The following SYNJ1 variants were observed in gnomAD, a reference collection of about 807,000 sequenced individuals.
SYNJ1 encodes polyphosphatidylinositol phosphatase SYNJ1.
A neutral mutation model predicts 168.2 loss-of-function variants in SYNJ1; 78 were observed. The ratio of observed to expected loss-of-function variants is 0.46; its 90% CI spans 0.39 to 0.56. The LOEUF is 0.56. Among genes scored for constraint, SYNJ1 ranks in the 20% least tolerant of loss-of-function variants. SYNJ1 has a pLI of 0.00. For synonymous variants in SYNJ1, 539 were observed against 548.6 expected, an observed-to-expected ratio of 0.98 and a Z score of 0.24; for missense variants, 1,303 against 1,597.6, an observed-to-expected ratio of 0.82 and a Z score of 3.14.
At chr21:32,726,099 CAA>C (rs1395874385) in intron 2 of SYNJ1, among the ~76,000 whole-genome samples, 10 of 152,226 alleles carry the variant, frequency 6.6e-5, no homozygotes, top group Non-Finnish European at 1.2e-4. Flanking sequence ...CTTGGCCTCC[CAA>C]AGTGCTGGGA....
At chr21:32,658,333 G>C (rs1451966843) in intron 18 of SYNJ1, 1 of 153,060 alleles carries the variant, frequency 6.5e-6, no homozygotes, top group Admixed American at 6.5e-5. Context: ...GGACAGCTTG[G>C]CAGCACAGTT....
chr21:32,657,964 C>G (rs911105080), intron 18 of SYNJ1, 92 bp from the exon 19 acceptor site: 17 of 975,408 alleles, frequency 1.7e-5, no homozygotes, highest in Admixed American at 2.4e-5. Context: ...CTATTACATG[C>G]TGGATGCTCT....
At chr21:32,632,746 G>C (rs1037023583) in intron 32 of SYNJ1, among the ~76,000 whole-genome samples, 1 of 152,154 alleles carries the variant, frequency 6.6e-6, no homozygotes, top group Non-Finnish European at 1.5e-5. Context: ...GAGGCTGGGC[G>C]CGGTGGCTCA....
At chr21:32,678,877 A>C (rs2041516591) in intron 11 of SYNJ1, 76 bp from the exon 12 acceptor site, 1 of 1,550,890 alleles carries the variant, frequency 6.4e-7, no homozygotes, top group Non-Finnish European at 8.7e-7. Context: ...GTTTTTTGAA[A>C]TTTTAAATCA....
intron 17 of SYNJ1, 38 bp downstream of exon 17, chr21:32,665,905 C>G: frequency 6.6e-7 from 1 of 1,526,338 alleles, no homozygotes; most frequent in Non-Finnish European, 8.8e-7. Flanking sequence ...AAATATATTT[C>G]AAAGCTTTAT....
chr21:32,674,580 A>G (rs1380810349), intron 13 of SYNJ1, among the ~76,000 whole-genome samples: 1 of 151,472 alleles, frequency 6.6e-6, no homozygotes, highest in African/African-American at 2.4e-5. Flanking sequence ...ATAATTGTTA[A>G]ATGAATGAAT....
chr21:32,663,876 C>G (rs1429067867), intron 18 of SYNJ1, among the ~76,000 whole-genome samples: 1 of 152,232 alleles, frequency 6.6e-6, no homozygotes, highest in Non-Finnish European at 1.5e-5. Flanking sequence ...CTCTCGACTA[C>G]TTGCTAGCAG....
intron 18 of SYNJ1, among the ~76,000 whole-genome samples, chr21:32,662,951 T>C (rs1218940713): frequency 6.6e-6 from 1 of 152,136 alleles, no homozygotes; most frequent in Admixed American, 6.5e-5. Flanking sequence ...CGAGTAAATA[T>C]CTTAGTTCGA....
chr21:32,631,475 T>G lies in SYNJ1; in HGVS notation c.*330A>C. Reference sequence around the variant, plus strand: ...CTTCAGACTTGGCTCTAAATGGGTTTCCAGGAGCAGCAGTCCTGTCACTGA... The same window carrying G: ...CTTCAGACTTGGCTCTAAATGGGTTGCCAGGAGCAGCAGTCCTGTCACTGA... On this transcript the variant is annotated 3_prime_UTR_variant, in exon 33 of 33. Transcript: ENST00000674351. 6.2e-7 allele frequency: 1 copy of G among 1,614,154 alleles called. No individual in the cohort carries two copies. Among genetic ancestry groups the G allele is most frequent in the Non-Finnish European group, 8.5e-7 (1 of 1,180,018 alleles).
intron 11 of SYNJ1, among the ~76,000 whole-genome samples, chr21:32,680,184 T>C (rs555281252): frequency 1.3e-5 from 2 of 152,280 alleles, no homozygotes; most frequent in South Asian, 4.1e-4. Context: ...TACAAATTAT[T>C]TCTATGAGTT....
intron 10 of SYNJ1, among the ~76,000 whole-genome samples, chr21:32,683,459 A>T (rs2041701126): frequency 1.3e-5 from 2 of 152,114 alleles, no homozygotes; most frequent in African/African-American, 4.8e-5. Context: ...TATAGCTACT[A>T]ATTTGAAAAC....
intron 25 of SYNJ1, among the ~76,000 whole-genome samples, chr21:32,645,425 A>C (rs1230062054): frequency 6.6e-6 from 1 of 152,250 alleles, no homozygotes; most frequent in African/African-American, 2.4e-5. Context: ...GTGAGAAGGC[A>C]GCTAAAGGCA....
At chr21:32,635,617 G>A (rs1350244098) in intron 31 of SYNJ1, among the ~76,000 whole-genome samples, 1 of 152,048 alleles carries the variant, frequency 6.6e-6, no homozygotes, top group Non-Finnish European at 1.5e-5. Flanking sequence ...GATAGCCTAG[G>A]GATGTCATTA....
At chr21:32,648,439 C>T (rs548646598) in intron 23 of SYNJ1, among the ~76,000 whole-genome samples, 72 of 152,170 alleles carry the variant, frequency 4.7e-4, no homozygotes, top group Non-Finnish European at 4.6e-4. Context: ...CAGAAGGACA[C>T]ATTTCTGTCC....
At chr21:32,709,204 G>A (rs951166266) in intron 2 of SYNJ1, among the ~76,000 whole-genome samples, 7 of 151,996 alleles carry the variant, frequency 4.6e-5, no homozygotes, top group East Asian at 1.9e-4. Flanking sequence ...AAACACTGCC[G>A]GTTGGGCACA....
chr21:32,645,003 G>T lies in SYNJ1; in HGVS notation c.3395C>A (p.Ala1132Asp). 1 of 1,601,798 alleles carries T rather than the reference G, an allele frequency of 6.2e-7. No homozygotes were observed. Among genetic ancestry groups the T allele is most frequent in the Admixed American group, 1.7e-5 (1 of 57,156 alleles). Residue 1132 changes from alanine (A) to aspartate (D), a missense_variant, in exon 26 of 33, where the codon GCT (alanine) becomes GAT (aspartate). Coordinates refer to ENST00000674351, the MANE Select transcript of SYNJ1 (RefSeq NM_203446.3). ...PPQRPPPPSG[A>D]RSPAPTRKEF... is the part of the protein sequence containing the mutation. ...CTTTCTAGTGGGTGCAGGACTCCTA[G>T]CCCCTTATAGTTCATAAGAAAATAG...
chr21:32,695,296 A>G lies in SYNJ1; in HGVS notation c.480-14T>C, dbSNP rs1191516964. 1 of 1,610,710 alleles carries G rather than the reference A, an allele frequency of 6.2e-7. No homozygotes were observed. The highest frequency in any genetic ancestry group is 8.5e-7 in the Non-Finnish European group (1 of 1,177,652). On this transcript the variant is annotated splice_polypyrimidine_tract_variant and intron_variant, in intron 4 of 32. Coordinates refer to ENST00000674351, the MANE Select transcript of SYNJ1 (RefSeq NM_203446.3). ...AAAGACTGATTCCTAATAGGAAAAG[A>G]AATAAATGATTAGCTTATGGAATAC...
intron 23 of SYNJ1, among the ~76,000 whole-genome samples, chr21:32,648,175 T>C (rs905436085): frequency 3.2e-4 from 49 of 151,982 alleles, no homozygotes; most frequent in Non-Finnish European, 5.6e-4. Flanking sequence ...ATCAGCCCTT[T>C]CTCCTCTACT....
intron 13 of SYNJ1, among the ~76,000 whole-genome samples, chr21:32,675,557 C>T (rs2041374781): frequency 6.6e-6 from 1 of 152,126 alleles, no homozygotes; most frequent in Non-Finnish European, 1.5e-5. Context: ...TAATCAACAG[C>T]TTCTCAAAAC....
Sources: gnomAD v4.1 joint callset for allele counts (sites outside exome capture counted in the v4.1 genomes callset) on GRCh38, gnomAD v4.1.1 for gene constraint, MANE v1.5 for transcripts, NCBI Gene and HGNC (gene_info 2026-07-23, HGNC 2026-07-21) for gene names.